The following ZFAND3 variants were observed in gnomAD, a reference collection of about 807,000 sequenced individuals.
ZFAND3 encodes zinc finger AN1-type containing 3.
ZFAND3 carries 10 observed loss-of-function variants against 29.6 expected under a neutral mutation model. That is an observed-to-expected ratio of 0.34 (90% CI 0.21 to 0.57). ZFAND3 has a LOEUF of 0.57. Among genes scored for constraint, ZFAND3 ranks in the 20% least tolerant of loss-of-function variants. The pLI is 0.86. For missense variants in ZFAND3, 230 were observed against 304.5 expected (o/e 0.76, Z 1.82); for synonymous variants, 128 against 112.6 (o/e 1.14, Z -0.87).
intron 2 of ZFAND3, among the ~76,000 whole-genome samples, chr6:37,935,214 A>G (rs894781477): frequency 6.6e-6 from 1 of 152,208 alleles, no homozygotes; most frequent in Admixed American, 6.5e-5. Context: ...ATTGAAAAGG[A>G]TGGTATGTAA....
In ZFAND3 at chr6:37,899,105, T is replaced by TA. The variant is rs112362512; in HGVS notation, c.72-30853dup. ...TAGTAGAGACGGGGTTTCACCGTGT[T>TA]AGTCAGTGTGGTCTCGATCTCCTGA... On this transcript the variant is annotated intron_variant, in intron 1 of 5. Coordinates refer to ENST00000287218, the MANE Select transcript of ZFAND3 (RefSeq NM_021943.3). 4.8e-4 allele frequency among the ~76,000 whole-genome samples: 73 copies of TA among 152,262 alleles called. 1 individual carries two copies. Among genetic ancestry groups the TA allele is most frequent in the African/African-American group, 9.9e-4 (41 of 41,578 alleles).
intron 2 of ZFAND3, among the ~76,000 whole-genome samples, chr6:38,002,097 C>G (rs1300081003): frequency 1.3e-4 from 20 of 152,068 alleles, no homozygotes; most frequent in Admixed American, 1.3e-3. Flanking sequence ...ATAGAATACT[C>G]AAGAGATGTT....
chr6:38,090,779 TATACTA>T (rs567506845), intron 4 of ZFAND3, among the ~76,000 whole-genome samples: 1 of 152,306 alleles, frequency 6.6e-6, no homozygotes, highest in Admixed American at 6.5e-5. Context: ...TGAGGTAAAA[TATACTA>T]ATAATTAGAT....
intron 4 of ZFAND3, among the ~76,000 whole-genome samples, chr6:38,093,904 C>G (rs964845553): frequency 6.6e-6 from 1 of 151,368 alleles, no homozygotes; most frequent in Non-Finnish European, 1.5e-5. Flanking sequence ...TATTTTGCCC[C>G]TACTAAAATA....
At chr6:37,944,267 A>C (rs1364867846) in intron 2 of ZFAND3, among the ~76,000 whole-genome samples, 1 of 152,188 alleles carries the variant, frequency 6.6e-6, no homozygotes. Flanking sequence ...ACGTCCAAAA[A>C]CACTATCTGC....
intron 5 of ZFAND3, among the ~76,000 whole-genome samples, chr6:38,117,960 G>A (rs1033790857): frequency 2.0e-5 from 3 of 152,242 alleles, no homozygotes; most frequent in African/African-American, 7.2e-5. Context: ...ACATTCTGGT[G>A]TATGCGGTAC....
intron 1 of ZFAND3, among the ~76,000 whole-genome samples, chr6:37,864,774 C>G (rs558365446): frequency 6.6e-6 from 1 of 151,350 alleles, no homozygotes; most frequent in East Asian, 1.9e-4. Flanking sequence ...CACACACATG[C>G]ACACATACAC....
chr6:38,052,156 T>G (rs1764039508), intron 2 of ZFAND3, among the ~76,000 whole-genome samples: 1 of 152,222 alleles, frequency 6.6e-6, no homozygotes, highest in African/African-American at 2.4e-5. Context: ...AAGACACATT[T>G]CAGGATATGC....
chr6:38,148,886 A>G (rs1165211109), intron 5 of ZFAND3, among the ~76,000 whole-genome samples: 1 of 152,174 alleles, frequency 6.6e-6, no homozygotes, highest in African/African-American at 2.4e-5. Flanking sequence ...TGACAGGAGA[A>G]AGAATTGAGC....
chr6:38,010,725 G>T (rs923994649), intron 2 of ZFAND3, among the ~76,000 whole-genome samples: 1 of 150,838 alleles, frequency 6.6e-6, no homozygotes, highest in African/African-American at 2.4e-5. Flanking sequence ...TCAGCCTCCC[G>T]AGTAGCTGGG....
At chr6:37,914,662 C>CTTTTTTTTTTTTTTT (rs1327923079) in intron 1 of ZFAND3, among the ~76,000 whole-genome samples, 1 of 62,472 alleles carries the variant, frequency 1.6e-5, no homozygotes, top group African/African-American at 6.7e-5. Flanking sequence ...TTCTTTCTTT[C>CTTTTTTTTTTTTTTT]TTTTTTTTTC....
At chr6:38,013,124 A>G (rs1763188749) in intron 2 of ZFAND3, among the ~76,000 whole-genome samples, 2 of 152,244 alleles carry the variant, frequency 1.3e-5, no homozygotes, top group South Asian at 4.1e-4. Flanking sequence ...AGACACTGTT[A>G]TATATATCAT....
intron 2 of ZFAND3, among the ~76,000 whole-genome samples, chr6:38,047,532 T>C (rs997827473): frequency 6.6e-6 from 1 of 152,182 alleles, no homozygotes; most frequent in Non-Finnish European, 1.5e-5. Flanking sequence ...ACACACACTA[T>C]GAATCCCAGA....
chr6:38,008,007 C>T (rs947054699), intron 2 of ZFAND3, among the ~76,000 whole-genome samples: 1 of 152,126 alleles, frequency 6.6e-6, no homozygotes, highest in Non-Finnish European at 1.5e-5. Context: ...CAGGCCTCAC[C>T]CCAGACCTGC....
intron 2 of ZFAND3, among the ~76,000 whole-genome samples, chr6:37,956,364 C>T (rs1265643303): frequency 6.6e-6 from 1 of 152,132 alleles, no homozygotes; most frequent in Non-Finnish European, 1.5e-5. Flanking sequence ...CTGTGGATGA[C>T]ACTTTGAGAA....
At chr6:38,144,445 T>C (rs1025207024) in intron 5 of ZFAND3, among the ~76,000 whole-genome samples, 1 of 151,958 alleles carries the variant, frequency 6.6e-6, no homozygotes, top group African/African-American at 2.4e-5. Context: ...TCCACAGGAA[T>C]AGTCTCTGAT....
chr6:38,034,306 T>C (rs1244097879), intron 2 of ZFAND3, among the ~76,000 whole-genome samples: 1 of 152,078 alleles, frequency 6.6e-6, no homozygotes, highest in Non-Finnish European at 1.5e-5. Context: ...TGCAAGAAAA[T>C]AATGCAGAAT....
intron 2 of ZFAND3, among the ~76,000 whole-genome samples, chr6:37,974,690 C>T (rs553909515): frequency 6.6e-6 from 1 of 152,270 alleles, no homozygotes; most frequent in South Asian, 2.1e-4. Flanking sequence ...GCCACCATGA[C>T]CAACTATATA....
At chr6:38,151,344 C>T (rs1766219165) in intron 5 of ZFAND3, among the ~76,000 whole-genome samples, 1 of 152,240 alleles carries the variant, frequency 6.6e-6, no homozygotes, top group Non-Finnish European at 1.5e-5. Context: ...CAAAAAGAGC[C>T]TTGCAGCATC....
Sources: allele counts gnomAD v4.1 joint callset (sites outside exome capture counted in the v4.1 genomes callset), GRCh38; gene constraint gnomAD v4.1.1; transcripts MANE v1.5; gene names NCBI Gene and HGNC (gene_info 2026-07-23, HGNC 2026-07-21).